The following SOX5 variants were observed in gnomAD, a reference collection of about 807,000 sequenced individuals.
SOX5 encodes the protein SRY-box transcription factor 5, also known as transcription factor SOX-5.
A neutral mutation model predicts 92.0 loss-of-function variants in SOX5; 9 were observed. The observed-to-expected ratio is 0.10, with a 90% CI of 0.06 to 0.17. The LOEUF is 0.17. SOX5 is among the 10% of genes least tolerant of loss of function. The pLI, the probability that SOX5 is intolerant of heterozygous loss-of-function variation, is 1.00. For synonymous variants in SOX5, 344 were observed against 336.3 expected (o/e 1.02, Z -0.25); for missense variants, 642 against 944.5 (o/e 0.68, Z 4.20).
At chr12:24,291,645 AC>A (rs1946635459) in intron 2 of SOX5, among the ~76,000 whole-genome samples, 1 of 152,236 alleles carries the variant, frequency 6.6e-6, no homozygotes, top group South Asian at 2.1e-4. Flanking sequence ...CAGTTGTAAC[AC>A]TTTCTAAGTT....
chr12:24,127,597 T>C (rs1949235923), intron 4 of SOX5, among the ~76,000 whole-genome samples: 1 of 152,152 alleles, frequency 6.6e-6, no homozygotes, highest in Non-Finnish European at 1.5e-5. Flanking sequence ...ACTTCAGCTG[T>C]TGCCACAGTG....
intron 4 of SOX5, among the ~76,000 whole-genome samples, chr12:24,025,450 A>T (rs1046592633): frequency 1.3e-5 from 2 of 152,066 alleles, no homozygotes; most frequent in Admixed American, 6.6e-5. Context: ...TTGCTTAAAC[A>T]TCTCCATTTC....
At chr12:24,353,044 G>T (rs1954300944) in intron 2 of SOX5, among the ~76,000 whole-genome samples, 1 of 152,176 alleles carries the variant, frequency 6.6e-6, no homozygotes. Context: ...TGCATGAGGT[G>T]CATGACAGGG....
rs1045313853 is a variant in SOX5 at position 24,279,276 on chromosome 12, C to T, written c.-173-1964G>A. On this transcript the variant is annotated intron_variant, in intron 2 of 4. Coordinates refer to the SOX5 transcript ENST00000446891. ...TATTATAATTAGGTTTTTTTAGATA[C>T]AAGAATGAAGATGTAGCTGGCAAAG... Among the ~76,000 whole-genome samples, 8 of 151,832 alleles carry T rather than the reference C, an allele frequency of 5.3e-5. No individual in the cohort carries two copies. The East Asian group carries it at 9.6e-4, about 18-fold the overall frequency.
At position 24,315,675 on chromosome 12, in the gene SOX5, T is replaced by C. The variant is rs116108764; in HGVS notation, c.-173-38363A>G. Among the ~76,000 whole-genome samples the C allele has an allele frequency of 6.4e-3, 972 of 152,198 alleles. 9 individuals are homozygous for C. The highest frequency in any genetic ancestry group is 0.022 in the African/African-American group (922 of 41,548). ...AAAAAAAAATCAAAATAAAATAAAA[T>C]ATGAAAGTTTCTTTTTAAATAGTTA... is the stretch of plus-strand genomic sequence containing the variant. On this transcript the variant is annotated intron_variant, in intron 2 of 4. Coordinates refer to the SOX5 transcript ENST00000446891.
chr12:24,289,350 C>T (rs1946323997), intron 2 of SOX5, among the ~76,000 whole-genome samples: 1 of 152,022 alleles, frequency 6.6e-6, no homozygotes, highest in South Asian at 2.1e-4. Flanking sequence ...TACAAATTTC[C>T]ATATTGACAG....
rs574748195 is a variant in SOX5 at position 23,743,501 on chromosome 12, G to A, written c.569-2462C>T. The stretch of plus-strand genomic sequence containing the variant: ...ATTTTTTTATATTTTTAGTAGAGAC[G>A]GGATTTCACCATGCTGGCCAGGCCG... On this transcript the variant is annotated intron_variant, in intron 4 of 14. Transcript: ENST00000451604. Among the ~76,000 whole-genome samples the A allele has an allele frequency of 2.0e-4, 31 of 151,904 alleles. No individual in the cohort carries two copies. In the South Asian group the frequency reaches 5.8e-3, roughly 29 times the overall value.
rs1055958239 is a variant in SOX5 at position 24,135,253 on chromosome 12, C to T, written c.-2+78090G>A. Among the ~76,000 whole-genome samples the T allele has an allele frequency of 3.3e-5, 5 of 152,184 alleles. No homozygotes were observed. In the East Asian group the frequency reaches 5.8e-4, roughly 18 times the overall value. ...ACAAGTTAATTCCCACTTCCAATCC[C>T]GCCTCAGATATAGCAACCAATCCAA... On this transcript the variant is annotated intron_variant, in intron 4 of 4. Transcript: ENST00000446891.
chr12:23,885,351 C>A (rs182480379), intron 2 of SOX5, among the ~76,000 whole-genome samples: 41 of 152,306 alleles, frequency 2.7e-4, no homozygotes, highest in Non-Finnish European at 4.3e-4. Flanking sequence ...CCCCTATCAT[C>A]TTTTTCATAT....
chr12:23,850,428 C>CAA (rs1377680790), intron 2 of SOX5, among the ~76,000 whole-genome samples: 1 of 70,478 alleles, frequency 1.4e-5, no homozygotes, highest in African/African-American at 4.5e-5. Context: ...ACTCTGTCTA[C>CAA]AAAAAAAAAA....
chr12:24,511,266 C>T (rs1430108088), intron 1 of SOX5, among the ~76,000 whole-genome samples: 1 of 152,180 alleles, frequency 6.6e-6, no homozygotes, highest in African/African-American at 2.4e-5. Context: ...CTGTTAAATG[C>T]ATATGGTTTT....
intron 4 of SOX5, among the ~76,000 whole-genome samples, chr12:24,159,181 TATCC>T (rs10557672): frequency 0.13 from 19,908 of 151,420 alleles, 1,463 homozygotes; most frequent in East Asian, 0.33. Flanking sequence ...CTCACTCATC[TATCC>T]ATCCATCCAT....
chr12:24,500,377 G>C (rs1391374060), intron 1 of SOX5, among the ~76,000 whole-genome samples: 1 of 151,978 alleles, frequency 6.6e-6, no homozygotes, highest in Non-Finnish European at 1.5e-5. Context: ...CAGAAACCAT[G>C]GCTGTGTCCT....
chr12:23,557,146 A>C (rs1469569634), intron 11 of SOX5, among the ~76,000 whole-genome samples: 1 of 152,218 alleles, frequency 6.6e-6, no homozygotes, highest in Non-Finnish European at 1.5e-5. Flanking sequence ...ACGAGTTTCC[A>C]AGTGCCAGAC....
chr12:24,147,360 A>C (rs1951190588), intron 4 of SOX5, among the ~76,000 whole-genome samples: 1 of 152,228 alleles, frequency 6.6e-6, no homozygotes, highest in South Asian at 2.1e-4. Context: ...CAAATATAGA[A>C]AACACAAAGT....
At chr12:23,555,031 A>G (rs1448195708) in intron 11 of SOX5, among the ~76,000 whole-genome samples, 1 of 152,172 alleles carries the variant, frequency 6.6e-6, no homozygotes, top group African/African-American at 2.4e-5. Context: ...TGGCCCAACA[A>G]CAAAAGTGAG....
intron 1 of SOX5, among the ~76,000 whole-genome samples, chr12:24,449,702 A>T (rs775204360): frequency 2.0e-5 from 3 of 152,226 alleles, no homozygotes; most frequent in African/African-American, 7.2e-5. Flanking sequence ...CTGTTATCTG[A>T]CTTAAAATCT....
intron 1 of SOX5, among the ~76,000 whole-genome samples, chr12:24,416,189 C>T (rs1964984928): frequency 6.6e-6 from 1 of 152,208 alleles, no homozygotes; most frequent in Non-Finnish European, 1.5e-5. Context: ...AGCCAGATAA[C>T]AGGACTTACA....
chr12:23,858,361 C>T (rs1039374689), intron 2 of SOX5, among the ~76,000 whole-genome samples: 1 of 151,864 alleles, frequency 6.6e-6, no homozygotes, highest in Non-Finnish European at 1.5e-5. Context: ...AACAAACAGC[C>T]CTATTTAAAA....
Sources: allele counts gnomAD v4.1 joint callset (sites outside exome capture counted in the v4.1 genomes callset), GRCh38; gene constraint gnomAD v4.1.1; transcripts MANE v1.5; gene names NCBI Gene and HGNC (gene_info 2026-07-23, HGNC 2026-07-21).